MEGF10: variants seen among roughly 807,000 people sequenced by gnomAD.
MEGF10 encodes the protein multiple epidermal growth factor-like domains protein 10.
Under a neutral mutation model 147.5 loss-of-function variants are expected in MEGF10, and 86 were observed. That is an observed-to-expected ratio of 0.58 (90% CI 0.49 to 0.70). The LOEUF (loss-of-function observed/expected upper bound fraction) is 0.70, where lower values mean the gene tolerates loss of function less well. MEGF10 is among the 30% of genes least tolerant of loss of function. The probability of loss-of-function intolerance (pLI) is 0.00; values close to 1 mark genes in which losing one functional copy is unlikely to be tolerated. For synonymous variants in MEGF10, 478 were observed against 525.5 expected (o/e 0.91, Z 1.24); for missense variants, 1,329 against 1,487.3 (o/e 0.89, Z 1.75).
chr5:127,246,756 ATAAAATATT>A, the MEGF10 span, among the ~76,000 whole-genome samples: 25 of 118,922 alleles, frequency 2.1e-4, no homozygotes, highest in African/African-American at 7.3e-4. Context: ...TTATATTTAC[ATAAAATATT>A]TATAAATTAT....
the MEGF10 span, among the ~76,000 whole-genome samples, chr5:127,268,497 T>C: frequency 6.6e-6 from 1 of 152,216 alleles, no homozygotes; most frequent in East Asian, 1.9e-4. Flanking sequence ...CTCGTTGATC[T>C]GTCTAATGTT....
the MEGF10 span, among the ~76,000 whole-genome samples, chr5:127,277,019 G>A: frequency 2.0e-5 from 3 of 152,180 alleles, no homozygotes; most frequent in Non-Finnish European, 4.4e-5. Flanking sequence ...AGTCAGTCTG[G>A]TGTATTTGAA....
chr5:127,397,314 T>C (rs2126923757), intron 6 of MEGF10, among the ~76,000 whole-genome samples: 1 of 152,356 alleles, frequency 6.6e-6, no homozygotes, highest in South Asian at 2.1e-4. Flanking sequence ...ACATATTGCT[T>C]TGTGAATGTG....
intron 6 of MEGF10, 39 bp from the exon 7 acceptor site, chr5:127,398,637 G>A (rs1237720847): frequency 1.2e-6 from 2 of 1,613,034 alleles, no homozygotes; most frequent in Non-Finnish European, 1.7e-6. Flanking sequence ...CATGTGTCTG[G>A]GAAATAACAG....
At chr5:127,304,930 A>G (rs1053319697) in intron 1 of MEGF10, among the ~76,000 whole-genome samples, 1 of 152,212 alleles carries the variant, frequency 6.6e-6, no homozygotes, top group Non-Finnish European at 1.5e-5. Context: ...GAACCATAAG[A>G]AATAAATTTC....
In MEGF10 at chr5:127,370,019, T is replaced by A. The variant is rs149172487; in HGVS notation, c.412+17T>A. 1.4e-4 allele frequency: 218 copies of A among 1,602,554 alleles called. No individual in the cohort carries two copies. The highest frequency in any genetic ancestry group is 4.7e-4 in the Admixed American group (28 of 59,814). ...GCTCCAGTGGTAAGTTTCCACCTGCTGTTGTCTGTCTCGGGATGTTTTTGC... is the reference window on the plus strand; with the variant it reads ...GCTCCAGTGGTAAGTTTCCACCTGCAGTTGTCTGTCTCGGGATGTTTTTGC... On this transcript the variant is annotated intron_variant, in intron 5 of 24. Transcript: ENST00000503335.
chr5:127,397,744 A>G (rs893532318), intron 6 of MEGF10, among the ~76,000 whole-genome samples: 3 of 152,186 alleles, frequency 2.0e-5, no homozygotes, highest in Non-Finnish European at 4.4e-5. Context: ...CAAGACCACA[A>G]TTGAACTGGG....
chr5:127,412,226 ATCAG>A (rs1198488235), intron 9 of MEGF10, among the ~76,000 whole-genome samples: 1 of 152,230 alleles, frequency 6.6e-6, no homozygotes, highest in Non-Finnish European at 1.5e-5. Flanking sequence ...ATTTTAAAAA[ATCAG>A]TCTTTTCATG....
intron 22 of MEGF10, among the ~76,000 whole-genome samples, chr5:127,449,989 A>T (rs1419203871): frequency 6.6e-6 from 1 of 152,238 alleles, no homozygotes; most frequent in Non-Finnish European, 1.5e-5. Context: ...TATTAAAAAA[A>T]ACTACATTTT....
chr5:127,309,066 T>A, intron 1 of MEGF10, among the ~76,000 whole-genome samples: 1 of 152,220 alleles, frequency 6.6e-6, no homozygotes, highest in East Asian at 1.9e-4. Context: ...ACACTGTTGT[T>A]ATTATGTTTT....
chr5:127,447,309 G>A (rs1019678434), intron 20 of MEGF10, among the ~76,000 whole-genome samples: 5 of 152,122 alleles, frequency 3.3e-5, no homozygotes, highest in Admixed American at 3.3e-4. Flanking sequence ...CCGAGTAGCT[G>A]GGACTACAGG....
Position 127,457,360 on chromosome 5 carries a change from A to C in MEGF10, c.*42A>C. On this transcript the variant is annotated 3_prime_UTR_variant, in exon 25 of 25. Coordinates refer to ENST00000503335, the MANE Select transcript of MEGF10 (RefSeq NM_001256545.2). ...GGTAGCCACTGGAACCCTTTCCAGA[A>C]CTGCTGTTTGGTTCTTCTCCATCCT... The C allele has an allele frequency of 1.3e-6, 2 of 1,582,064 alleles. No individual in the cohort carries two copies. Among genetic ancestry groups the C allele is most frequent in the Non-Finnish European group, 1.7e-6 (2 of 1,166,456 alleles).
At chr5:127,324,297 G>A (rs1177404709) in intron 1 of MEGF10, among the ~76,000 whole-genome samples, 1 of 152,020 alleles carries the variant, frequency 6.6e-6, no homozygotes, top group Non-Finnish European at 1.5e-5. Context: ...TGACAAATTT[G>A]GAAAAATAAA....
intron 1 of MEGF10, among the ~76,000 whole-genome samples, chr5:127,326,023 C>T (rs1580716098): frequency 1.3e-5 from 2 of 151,262 alleles, no homozygotes; most frequent in East Asian, 1.9e-4. Flanking sequence ...CCTACCTCAC[C>T]CTATACTCCA....
the MEGF10 span, among the ~76,000 whole-genome samples, chr5:127,273,927 C>T: frequency 3.3e-5 from 5 of 152,228 alleles, no homozygotes; most frequent in African/African-American, 1.2e-4. Flanking sequence ...AATTAAAACT[C>T]ATTTCTTTGT....
chr5:127,265,014 C>T, the MEGF10 span, among the ~76,000 whole-genome samples: 2 of 152,000 alleles, frequency 1.3e-5, no homozygotes, highest in Admixed American at 6.5e-5. Context: ...GTGTGCTGCA[C>T]CTATTAACTT....
chr5:127,236,114 A>G, the MEGF10 span, among the ~76,000 whole-genome samples: 1 of 152,116 alleles, frequency 6.6e-6, no homozygotes, highest in Non-Finnish European at 1.5e-5. Flanking sequence ...CTGGGACTAC[A>G]GGCACGCGCC....
chr5:127,334,743 G>A (rs1561577659), intron 2 of MEGF10, among the ~76,000 whole-genome samples: 1 of 152,024 alleles, frequency 6.6e-6, no homozygotes, highest in East Asian at 1.9e-4. Flanking sequence ...CATTCAGTGG[G>A]GTTTCTTCTA....
At chr5:127,377,614 C>T (rs1763081772) in intron 5 of MEGF10, among the ~76,000 whole-genome samples, 1 of 152,114 alleles carries the variant, frequency 6.6e-6, no homozygotes. Flanking sequence ...TGATGTACAG[C>T]ATGGAGAAAG....
Sources: allele counts gnomAD v4.1 joint callset (sites outside exome capture counted in the v4.1 genomes callset), GRCh38; gene constraint gnomAD v4.1.1; transcripts MANE v1.5; gene names NCBI Gene and HGNC (gene_info 2026-07-23, HGNC 2026-07-21).